The following IL1RAPL1 variants were observed in gnomAD, a reference collection of about 807,000 sequenced individuals.
IL1RAPL1 encodes interleukin-1 receptor accessory protein-like 1.
IL1RAPL1 carries 3 observed loss-of-function variants against 48.4 expected under a neutral mutation model. The ratio of observed to expected loss-of-function variants is 0.06; its 90% CI spans 0.03 to 0.16. The LOEUF is 0.16. Ranked by LOEUF, IL1RAPL1 falls within the 10% of genes least tolerant of loss-of-function variation. IL1RAPL1 has a pLI of 1.00. For missense variants in IL1RAPL1, 349 were observed against 530.6 expected, an observed-to-expected ratio of 0.66 and a Z score of 3.36; for synonymous variants, 185 against 187.7, an observed-to-expected ratio of 0.99 and a Z score of 0.12.
At chrX:29,888,387 C>A (rs1261396266) in intron 6 of IL1RAPL1, among the ~76,000 whole-genome samples, 2 of 109,899 alleles carry the variant, frequency 1.8e-5, no homozygotes, top group African/African-American at 3.3e-5. Context: ...CCACACTTGG[C>A]TAATTTTTGT....
rs1040891878 is a variant in IL1RAPL1 at position 28,620,908 on chromosome X, A to G, written c.-25+32861A>G. 3.6e-5 allele frequency among the ~76,000 whole-genome samples: 4 copies of G among 111,746 alleles called. No homozygotes were observed. The Admixed American group carries it at 3.8e-4, about 11-fold the overall frequency. The stretch of plus-strand genomic sequence containing the variant: ...TTGTATATCACTCTCCTCTTTGCCT[A>G]TTAATCTCCATCCAGACCAGTCTTT... On this transcript the variant is annotated intron_variant, in intron 1 of 10. Transcript: ENST00000378993.
At chrX:29,186,244 C>T (rs1202051331) in intron 2 of IL1RAPL1, among the ~76,000 whole-genome samples, 3 of 111,677 alleles carry the variant, frequency 2.7e-5, no homozygotes, top group Non-Finnish European at 5.6e-5. Context: ...AAGCAAATAA[C>T]AAAAATTCTG....
chrX:29,219,443 AAGG>A (rs960338246), intron 2 of IL1RAPL1, among the ~76,000 whole-genome samples: 1 of 111,114 alleles, frequency 9.0e-6, no homozygotes, highest in African/African-American at 3.3e-5. Context: ...TAATATGAAG[AAGG>A]AGAAGGAGAA....
intron 2 of IL1RAPL1, among the ~76,000 whole-genome samples, chrX:29,259,558 C>T (rs751988507): frequency 2.9e-4 from 32 of 110,141 alleles, no homozygotes; most frequent in African/African-American, 9.5e-4. Context: ...AACTATATGT[C>T]ACAAAAATCT....
At chrX:29,637,053 C>CA (rs761907735) in intron 5 of IL1RAPL1, among the ~76,000 whole-genome samples, 13,119 of 54,140 alleles carry the variant, frequency 0.24, 1,159 homozygotes, top group Middle Eastern at 0.43. Flanking sequence ...AACTCCGTCT[C>CA]AAAAAAAAAA....
chrX:29,858,908 C>T (rs1304879433), intron 6 of IL1RAPL1, among the ~76,000 whole-genome samples: 1 of 109,852 alleles, frequency 9.1e-6, no homozygotes, highest in Non-Finnish European at 1.9e-5. Context: ...TGTTCTCACT[C>T]CTAAGTGGGT....
intron 9 of IL1RAPL1, among the ~76,000 whole-genome samples, chrX:29,943,235 T>A (rs1022119878): frequency 1.8e-5 from 2 of 111,839 alleles, no homozygotes; most frequent in Middle Eastern, 8.4e-3. Context: ...TTGATGCAAA[T>A]TATTATTATT....
chrX:28,961,448 G>T (rs1012994298), intron 2 of IL1RAPL1, among the ~76,000 whole-genome samples: 7 of 110,843 alleles, frequency 6.3e-5, no homozygotes, highest in Non-Finnish European at 1.1e-4. Flanking sequence ...CATCATCTAG[G>T]TTTTAAGCCC....
intron 5 of IL1RAPL1, among the ~76,000 whole-genome samples, chrX:29,475,802 G>A (rs929002105): frequency 2.8e-5 from 3 of 108,809 alleles, no homozygotes; most frequent in Admixed American, 9.8e-5. Flanking sequence ...CACTAGTCAC[G>A]TTTCCTATAA....
intron 1 of IL1RAPL1, among the ~76,000 whole-genome samples, chrX:28,778,417 C>T (rs1936381634): frequency 9.0e-6 from 1 of 111,368 alleles, no homozygotes; most frequent in Non-Finnish European, 1.9e-5. Context: ...CCTGCAAGAG[C>T]GATGATGGAA....
intron 2 of IL1RAPL1, among the ~76,000 whole-genome samples, chrX:29,002,819 G>T (rs750488343): frequency 1.8e-4 from 20 of 110,539 alleles, no homozygotes; most frequent in South Asian, 3.8e-4. Flanking sequence ...TTTTGTGGGG[G>T]TGGGGATAGT....
chrX:28,846,071 C>T (rs1921501869), intron 2 of IL1RAPL1, among the ~76,000 whole-genome samples: 1 of 112,137 alleles, frequency 8.9e-6, no homozygotes, highest in African/African-American at 3.2e-5. Flanking sequence ...CTCTTTAGTT[C>T]TCCTATTCAT....
intron 1 of IL1RAPL1, among the ~76,000 whole-genome samples, chrX:28,762,792 A>G (rs1053790662): frequency 5.0e-4 from 31 of 62,263 alleles, no homozygotes; most frequent in African/African-American, 1.2e-3. Flanking sequence ...GCGCGCACAC[A>G]CACACACACA....
chrX:29,613,653 G>T (rs1004852416), intron 5 of IL1RAPL1, among the ~76,000 whole-genome samples: 1 of 108,991 alleles, frequency 9.2e-6, no homozygotes, highest in South Asian at 4.1e-4. Context: ...AAGGGATAAC[G>T]TGCTTGGGTC....
chrX:29,226,314 C>T (rs987947005), intron 2 of IL1RAPL1, among the ~76,000 whole-genome samples: 4 of 111,215 alleles, frequency 3.6e-5, no homozygotes, highest in South Asian at 3.8e-4. Context: ...ATTCAGGACA[C>T]ATTTGATGTT....
intron 2 of IL1RAPL1, among the ~76,000 whole-genome samples, chrX:28,897,338 C>A (rs749408641): frequency 4.5e-5 from 5 of 111,879 alleles, no homozygotes; most frequent in Non-Finnish European, 9.4e-5. Context: ...GCAGGCGTCC[C>A]TGCGTGATTA....
At chrX:29,109,079 A>G (rs1371566680) in intron 2 of IL1RAPL1, among the ~76,000 whole-genome samples, 1 of 111,572 alleles carries the variant, frequency 9.0e-6, no homozygotes, top group Non-Finnish European at 1.9e-5. Context: ...GTTTAAAACA[A>G]AAGATTTGAA....
intron 2 of IL1RAPL1, among the ~76,000 whole-genome samples, chrX:29,138,561 A>G (rs909751405): frequency 3.6e-4 from 40 of 109,764 alleles, no homozygotes; most frequent in Non-Finnish European, 6.5e-4. Context: ...TGAGGTCAGG[A>G]GTTCGAGACC....
At chrX:28,753,050 C>T (rs775116833) in intron 1 of IL1RAPL1, among the ~76,000 whole-genome samples, 18 of 111,734 alleles carry the variant, frequency 1.6e-4, no homozygotes, top group African/African-American at 5.9e-4. Flanking sequence ...GACGCAGAAA[C>T]GAAGTCCCCG....
Sources: allele counts gnomAD v4.1 joint callset (sites outside exome capture counted in the v4.1 genomes callset), GRCh38; gene constraint gnomAD v4.1.1; transcripts MANE v1.5; gene names NCBI Gene and HGNC (gene_info 2026-07-23, HGNC 2026-07-21).